NDST3: variants seen among roughly 807,000 people sequenced by gnomAD.
NDST3 encodes N-deacetylase and N-sulfotransferase 3.
A neutral mutation model predicts 96.1 loss-of-function variants in NDST3; 58 were observed. The observed-to-expected ratio is 0.60, with a 90% CI of 0.49 to 0.75. NDST3 has a LOEUF of 0.75. Among genes scored for constraint, NDST3 ranks in the 30% least tolerant of loss-of-function variants. The pLI, the probability that NDST3 is intolerant of heterozygous loss-of-function variation, is 0.00. For synonymous variants in NDST3, 333 were observed against 359.7 expected, an observed-to-expected ratio of 0.93 and a Z score of 0.84; for missense variants, 788 against 1,034.2, an observed-to-expected ratio of 0.76 and a Z score of 3.27.
intron 12 of NDST3, among the ~76,000 whole-genome samples, chr4:118,248,113 G>A (rs895429431): frequency 1.3e-5 from 2 of 152,160 alleles, no homozygotes; most frequent in Non-Finnish European, 1.5e-5. Flanking sequence ...CACTTTAAGA[G>A]GCCGAGGCGG....
intron 2 of NDST3, among the ~76,000 whole-genome samples, chr4:118,057,646 A>G (rs547627815): frequency 6.6e-6 from 1 of 152,086 alleles, no homozygotes; most frequent in Non-Finnish European, 1.5e-5. Context: ...AGCAGGGCCC[A>G]CTGGGCTAAG....
At chr4:118,091,439 G>T (rs1728858083) in intron 2 of NDST3, among the ~76,000 whole-genome samples, 1 of 151,766 alleles carries the variant, frequency 6.6e-6, no homozygotes, top group Non-Finnish European at 1.5e-5. Flanking sequence ...GGAGTATGAG[G>T]GATAGGCAGT....
At chr4:118,165,427 A>T (rs1329624601) in intron 6 of NDST3, among the ~76,000 whole-genome samples, 2 of 152,130 alleles carry the variant, frequency 1.3e-5, no homozygotes, top group East Asian at 3.8e-4. Flanking sequence ...AAATATGTGT[A>T]ATAATCATTG....
At position 118,080,818 on chromosome 4, in the gene NDST3, G is replaced by A. The variant is rs534614029; in HGVS notation, c.982-24200G>A. Among the ~76,000 whole-genome samples the A allele has an allele frequency of 2.6e-5, 4 of 152,172 alleles. No individual in the cohort carries two copies. The East Asian group carries it at 5.8e-4, about 22-fold the overall frequency. ...CACCATATGAAGGACTAGCTACTGA[G>A]GACATGAATTATTTTGCTCTAAGGA... On this transcript the variant is annotated intron_variant, in intron 2 of 13. Transcript: ENST00000296499.
At chr4:118,223,188 A>T (rs1405084444) in intron 6 of NDST3, among the ~76,000 whole-genome samples, 1 of 152,028 alleles carries the variant, frequency 6.6e-6, no homozygotes, top group Non-Finnish European at 1.5e-5. Flanking sequence ...CGACATTAGA[A>T]AAAAACTTCC....
intron 8 of NDST3, among the ~76,000 whole-genome samples, chr4:118,232,247 C>T (rs1740348827): frequency 6.6e-6 from 1 of 151,920 alleles, no homozygotes; most frequent in Non-Finnish European, 1.5e-5. Flanking sequence ...TATATAGTGC[C>T]TTATTACCGT....
intron 1 of NDST3, among the ~76,000 whole-genome samples, chr4:118,043,257 A>G (rs1472100501): frequency 6.6e-6 from 1 of 152,242 alleles, no homozygotes; most frequent in Non-Finnish European, 1.5e-5. Context: ...TCAAAAGATA[A>G]GTTAAAGCAT....
chr4:118,086,903 C>T (rs190869765), intron 2 of NDST3, among the ~76,000 whole-genome samples: 217 of 152,144 alleles, frequency 1.4e-3, no homozygotes, highest in African/African-American at 4.8e-3. Flanking sequence ...TCTTTCCATG[C>T]TAATACAAAA....
chr4:118,164,820 T>C (rs747452918), intron 6 of NDST3, among the ~76,000 whole-genome samples: 50 of 152,124 alleles, frequency 3.3e-4, no homozygotes, highest in Non-Finnish European at 6.6e-4. Flanking sequence ...GAGTTTTATA[T>C]CCAATTGAAG....
intron 3 of NDST3, among the ~76,000 whole-genome samples, chr4:118,112,366 C>T (rs1314089719): frequency 6.6e-6 from 1 of 152,126 alleles, no homozygotes; most frequent in Non-Finnish European, 1.5e-5. Context: ...TTATAGGCAA[C>T]AGGGAATAGA....
At chr4:118,062,929 GC>G (rs1726014137) in intron 2 of NDST3, among the ~76,000 whole-genome samples, 1 of 152,094 alleles carries the variant, frequency 6.6e-6, no homozygotes, top group Non-Finnish European at 1.5e-5. Flanking sequence ...AGTGGCTCAT[GC>G]CTGTAATCCC....
intron 3 of NDST3, among the ~76,000 whole-genome samples, chr4:118,110,976 C>A (rs1370641829): frequency 6.6e-6 from 1 of 152,114 alleles, no homozygotes; most frequent in Non-Finnish European, 1.5e-5. Context: ...TGGAATACTA[C>A]ACAGCCATTA....
chr4:118,053,975 G>T lies in NDST3; in HGVS notation c.65G>T (p.Cys22Phe). The change falls in exon 2 of 14, where the codon TGT becomes TTT. Residue 22 changes from cysteine (C) to phenylalanine (F), a missense_variant. Around this residue, in one of 3 missense-constraint regions of NDST3, gnomAD observed 234 missense variants for 256.9 expected, o/e 0.91. Coordinates refer to ENST00000296499, the MANE Select transcript of NDST3 (RefSeq NM_004784.3). ...ACAGTCATTCTGCTTGCCACTTTTT[G>T]TATGGTGAGCATTATCATTTCTGCT... ...QRTVILLATFCMVSIIISAYY... is the reference protein window; with the variant it reads ...QRTVILLATFFMVSIIISAYY... The T allele has an allele frequency of 5.0e-6, 8 of 1,611,594 alleles. No individual in the cohort carries two copies. Among genetic ancestry groups the T allele is most frequent in the Non-Finnish European group, 6.8e-6 (8 of 1,178,768 alleles).
intron 6 of NDST3, among the ~76,000 whole-genome samples, chr4:118,154,905 T>C (rs192618614): frequency 6.6e-6 from 1 of 152,256 alleles, no homozygotes; most frequent in East Asian, 1.9e-4. Context: ...GTTTAACATG[T>C]CAGGCTATTG....
At chr4:118,223,566 C>T (rs186632538) in intron 6 of NDST3, among the ~76,000 whole-genome samples, 179 of 152,000 alleles carry the variant, frequency 1.2e-3, no homozygotes, top group Middle Eastern at 3.4e-3. Flanking sequence ...GATATTACTA[C>T]TTCCTCTTAT....
intron 2 of NDST3, among the ~76,000 whole-genome samples, chr4:118,104,122 G>C (rs928188548): frequency 6.6e-6 from 1 of 152,170 alleles, no homozygotes; most frequent in Non-Finnish European, 1.5e-5. Flanking sequence ...ATTAAGGAAA[G>C]GGAGAAAGAA....
chr4:118,127,926 G>T (rs980850316), intron 4 of NDST3, among the ~76,000 whole-genome samples: 1 of 151,594 alleles, frequency 6.6e-6, no homozygotes, highest in Non-Finnish European at 1.5e-5. Context: ...TAATTCCTAG[G>T]TAGTTAATTT....
At chr4:118,226,792 T>C in intron 7 of NDST3, 94 bp from the exon 8 acceptor site, 2 of 841,446 alleles carry the variant, frequency 2.4e-6, no homozygotes, top group Non-Finnish European at 1.9e-6. Context: ...CAGCGTTTCC[T>C]GGTATACTTT....
intron 4 of NDST3, among the ~76,000 whole-genome samples, chr4:118,120,343 G>T (rs1244868842): frequency 1.3e-5 from 2 of 152,074 alleles, no homozygotes; most frequent in Admixed American, 6.6e-5. Context: ...GAGCAGGGGG[G>T]AAAGGTGGGC....
Sources: gnomAD v4.1 joint callset for allele counts (sites outside exome capture counted in the v4.1 genomes callset) on GRCh38, gnomAD v4.1.1 for gene constraint, gnomAD v4.1.1 regional missense constraint, MANE v1.5 for transcripts, NCBI Gene and HGNC (gene_info 2026-07-23, HGNC 2026-07-21) for gene names.